The following NUTM2F variants were observed in gnomAD, a reference collection of about 807,000 sequenced individuals.
The protein encoded by NUTM2F is family with sequence similarity 22, member F.
Under a neutral mutation model 43.3 loss-of-function variants are expected in NUTM2F, and 22 were observed. The ratio of observed to expected loss-of-function variants is 0.51; its 90% CI spans 0.36 to 0.73. The LOEUF (loss-of-function observed/expected upper bound fraction) is 0.73. Among genes scored for constraint, NUTM2F ranks in the 30% least tolerant of loss-of-function variants. NUTM2F has a pLI of 0.00. For synonymous variants in NUTM2F, 202 were observed against 389.0 expected (o/e 0.52, Z 5.66); for missense variants, 488 against 927.4 (o/e 0.53, Z 6.15).
In NUTM2F at chr9:94,319,599, C is replaced by T. The variant is rs371997674; in HGVS notation, c.1485+14G>A. On this transcript the variant is annotated intron_variant, in intron 6 of 6. Coordinates refer to ENST00000253262, the MANE Select transcript of NUTM2F (RefSeq NM_017561.2). ...CCCTGGAGTACCTGGGTTCCCCTCCCTCCGCTGCTCTACCTGGGCAAGGGT... is the reference window on the plus strand; with the variant it reads ...CCCTGGAGTACCTGGGTTCCCCTCCTTCCGCTGCTCTACCTGGGCAAGGGT... The T allele has an allele frequency of 2.0e-5, 32 of 1,612,460 alleles. No homozygotes were observed. Among genetic ancestry groups the T allele is most frequent in the East Asian group, 1.8e-4 (8 of 44,882 alleles).
chr9:94,325,102 G>A lies in NUTM2F; in HGVS notation c.713+136C>T, dbSNP rs1396497613. 3.5e-4 allele frequency: 343 copies of A among 971,546 alleles called. 22 individuals carry two copies. Among genetic ancestry groups the A allele is most frequent in the Non-Finnish European group, 4.6e-4 (304 of 656,258 alleles). The allele number at this position is 971,546 out of a possible 1,614,324, so 60.2% of individuals were successfully genotyped here. A position where few individuals can be genotyped will look rare whatever the true frequency, so the allele number is the denominator to read the frequency against. Reference sequence around the variant, plus strand: ...CAGCCAGATTAATGTTGCTGAAAACGTACCTTCCCATAGCACAACCCATCA... The same window carrying A: ...CAGCCAGATTAATGTTGCTGAAAACATACCTTCCCATAGCACAACCCATCA... On this transcript the variant is annotated intron_variant, in intron 2 of 6. Transcript: ENST00000253262.
Position 94,325,826 on chromosome 9 carries a change from G to C in NUTM2F, c.125C>G (p.Pro42Arg), listed in dbSNP as rs770213187. 6.2e-7 allele frequency: 1 copy of C among 1,612,132 alleles called. No homozygotes were observed. The highest frequency in any genetic ancestry group is 1.7e-5 in the Admixed American group (1 of 60,014). ...TGGAGGAACCACTGCAGTCACGAGG[G>C]GCGGCCTGTGTGCTGGGCCGGGAGC... Reference protein sequence around the residue: ...TPAPGPAHRPPLVTAVVPPAG... With the variant: ...TPAPGPAHRPRLVTAVVPPAG... The change falls in exon 2 of 7, where the codon CCC becomes CGC. Residue 42 changes from proline to arginine, a missense_variant. Transcript: ENST00000253262.
chr9:94,322,106 C>T, intron 3 of NUTM2F, 95 bp downstream of exon 3: 2 of 1,540,496 alleles, frequency 1.3e-6, no homozygotes, highest in South Asian at 2.4e-5. Flanking sequence ...ACACCCTCCT[C>T]ATGCTCCATG....
At chr9:94,328,468 G>A (rs1318961226) in intron 1 of NUTM2F, 140 bp downstream of exon 1, 16 of 1,359,042 alleles carry the variant, frequency 1.2e-5, no homozygotes, top group Non-Finnish European at 1.7e-5. Context: ...CCATCCCCAG[G>A]TGTGATGTCC....
intron 3 of NUTM2F, 51 bp from the exon 4 acceptor site, chr9:94,321,283 C>G: frequency 6.5e-7 from 1 of 1,549,400 alleles, no homozygotes; most frequent in Non-Finnish European, 8.7e-7. Context: ...GGCCCCCTCC[C>G]CCCAGGACCA....
rs1831442675 is a variant in NUTM2F at position 94,325,645 on chromosome 9, T to A, written c.306A>T (p.Leu102=). Residue 102 remains leucine (L), a synonymous_variant, in exon 2 of 7, where the codon CTA becomes CTT. Transcript: ENST00000253262. ...CCTGCCAGACGAGGGGGGCCTGAGT[T>A]AGGATCAAGGTCTGTGCCTGAGGGG... ...VKPPQAQTLI[L]TQAPLVWQAP... 6.2e-7 allele frequency: 1 copy of A among 1,607,158 alleles called. No homozygotes were observed. Among genetic ancestry groups the A allele is most frequent in the Non-Finnish European group, 8.5e-7 (1 of 1,178,632 alleles).
intron 2 of NUTM2F, among the ~76,000 whole-genome samples, chr9:94,324,295 A>G (rs944726989): frequency 1.3e-5 from 2 of 150,526 alleles, no homozygotes; most frequent in African/African-American, 4.9e-5. Context: ...AAAGACCTAA[A>G]CCCTAACCGT....
intron 2 of NUTM2F, among the ~76,000 whole-genome samples, chr9:94,323,242 A>T (rs1831402154): frequency 6.6e-6 from 1 of 151,892 alleles, no homozygotes; most frequent in Non-Finnish European, 1.5e-5. Context: ...CCAAGGGGGG[A>T]TGCAACCAGT....
In NUTM2F at chr9:94,319,747, A is replaced by C. The variant is rs1831331386; in HGVS notation, c.1369-18T>G. On this transcript the variant is annotated intron_variant, in intron 5 of 6. Coordinates refer to ENST00000253262, the MANE Select transcript of NUTM2F (RefSeq NM_017561.2). ...GCCTCCACCTGGAAACAGAAGGAAG[A>C]AGGTGTGAACTTCCTGGGGAGGGAG... 1 of 1,601,260 alleles carries C rather than the reference A, an allele frequency of 6.2e-7. No individual in the cohort carries two copies. The highest frequency in any genetic ancestry group is 2.2e-5 in the East Asian group (1 of 44,776).
intron 1 of NUTM2F, among the ~76,000 whole-genome samples, chr9:94,326,693 G>A (rs527586971): frequency 3.2e-4 from 46 of 143,538 alleles, no homozygotes; most frequent in African/African-American, 9.7e-4. Context: ...GCAGTGAGCC[G>A]AGATCGTGCC....
rs766762277 is a variant in NUTM2F, at chr9:94,325,777, G to A, written c.174C>T (p.Ala58=). 16 of 1,612,048 alleles carry A rather than the reference G, an allele frequency of 9.9e-6. No homozygotes were observed. The highest frequency in any genetic ancestry group is 1.2e-5 in the Non-Finnish European group (14 of 1,179,868). The part of the protein sequence containing the change: ...VPPAGPLVLS[A]FPSTPLVAGQ... ...CTGCCACTAGAGGGGTGCTGGGGAA[G>A]GCAGAGAGCACCAGAGGGCCGGCTG... Residue 58 remains alanine, a synonymous_variant, in exon 2 of 7, where the codon GCC becomes GCT. Transcript: ENST00000253262.
In NUTM2F at chr9:94,320,979, T is replaced by C; in HGVS notation, c.982+114A>G. ...CAACATACACTCCCGGAAGCTGTCC[T>C]GTTGGAGGGAGCAAATCCCCCTCTT... On this transcript the variant is annotated intron_variant, in intron 4 of 6. Transcript: ENST00000253262. This position sits in a 1 kb window ranked among gnomAD's most constrained non-coding sequence, Gnocchi z 4.5. 1.4e-6 allele frequency: 2 copies of C among 1,462,176 alleles called. No individual in the cohort carries two copies. Among genetic ancestry groups the C allele is most frequent in the Non-Finnish European group, 1.8e-6 (2 of 1,112,308 alleles). 90.6% of individuals were successfully genotyped at this position (1,462,176 alleles called of 1,614,324 possible).
chr9:94,319,906 A>G (rs1168099388), intron 5 of NUTM2F, among the ~76,000 whole-genome samples, 177 bp from the exon 6 acceptor site: 1 of 152,052 alleles, frequency 6.6e-6, no homozygotes, highest in Non-Finnish European at 1.5e-5. Flanking sequence ...GCATACACAC[A>G]TACAGACAGA....
rs548549159 is a variant in NUTM2F at position 94,322,215 on chromosome 9, G to A, written c.828C>T (p.Tyr276=). 24 of 1,612,068 alleles carry A rather than the reference G, an allele frequency of 1.5e-5. No homozygotes were observed. The highest frequency in any genetic ancestry group is 9.3e-5 in the African/African-American group (7 of 74,986). The change falls in exon 3 of 7, where the codon TAC becomes TAT. Residue 276 remains tyrosine, a synonymous_variant. Coordinates refer to ENST00000253262, the MANE Select transcript of NUTM2F (RefSeq NM_017561.2). ...HTSNFDRMIF[Y]EMAEKFLEFE... is the part of the protein sequence containing the mutation. ...CCCAGACTCACTTTTCCGCCATCTC[G>A]TAGAAGATCATCCGGTCAAAGTTGC...
chr9:94,323,707 T>C (rs963383609), intron 2 of NUTM2F, among the ~76,000 whole-genome samples: 4 of 152,174 alleles, frequency 2.6e-5, no homozygotes, highest in Non-Finnish European at 5.9e-5. Context: ...CTCTTTGCCA[T>C]CCTCTGAATG....
rs1244891030 is a variant in NUTM2F, at chr9:94,322,355, G to C, written c.714-26C>G. 3 of 1,611,678 alleles carry C rather than the reference G, an allele frequency of 1.9e-6. No individual in the cohort carries two copies. In the African/African-American group the frequency reaches 4.0e-5, roughly 22 times the overall value. On this transcript the variant is annotated intron_variant, in intron 2 of 6. Coordinates refer to ENST00000253262, the MANE Select transcript of NUTM2F (RefSeq NM_017561.2). ...CTGTAAACCAGTGCAGTCAGTCCCA[G>C]TCTGTAAGCCCACCCTCCATCCCGG...
rs568792698 is a variant in NUTM2F at position 94,325,221 on chromosome 9, G to A, written c.713+17C>T. ...AGTGAGCTGCAGGACAAGCTCCGGC[G>A]CCCCGAGGACACTCACATGAGGAAG... is the stretch of plus-strand genomic sequence containing the variant. On this transcript the variant is annotated intron_variant, in intron 2 of 6. Transcript: ENST00000253262. 8 of 657,674 alleles carry A rather than the reference G, an allele frequency of 1.2e-5. No individual in the cohort carries two copies. Among genetic ancestry groups the A allele is most frequent in the African/African-American group, 4.8e-5 (2 of 41,808 alleles). The allele number at this position is 657,674 out of a possible 1,614,324, so 40.7% of individuals were successfully genotyped here. A position where few individuals can be genotyped will look rare whatever the true frequency, so the allele number is the denominator to read the frequency against.
Position 94,322,207 on chromosome 9 carries a change from G to T in NUTM2F, c.836C>A (p.Ala279Glu), listed in dbSNP as rs761896962. ...CCCAGGACCCCAGACTCACTTTTCCGCCATCTCGTAGAAGATCATCCGGTC... is the reference window on the plus strand; with the variant it reads ...CCCAGGACCCCAGACTCACTTTTCCTCCATCTCGTAGAAGATCATCCGGTC... ...NFDRMIFYEMAEKFLEFEAEE... is the reference protein window; with the variant it reads ...NFDRMIFYEMEEKFLEFEAEE... The change falls in exon 3 of 7, where the codon GCG becomes GAG. Residue 279 changes from alanine to glutamate, a missense_variant. By Grantham distance (107) the Ala-to-Glu change is moderately radical (BLOSUM62 -1). Coordinates refer to ENST00000253262, the MANE Select transcript of NUTM2F (RefSeq NM_017561.2). The T allele has an allele frequency of 6.2e-7, 1 of 1,611,984 alleles. No individual in the cohort carries two copies. The highest frequency in any genetic ancestry group is 8.5e-7 in the Non-Finnish European group (1 of 1,179,868).
intron 3 of NUTM2F, among the ~76,000 whole-genome samples, chr9:94,321,981 C>T (rs1831374794): frequency 6.6e-6 from 1 of 151,394 alleles, no homozygotes; most frequent in Non-Finnish European, 1.5e-5. Context: ...GCGGTTGGCC[C>T]CAGGCCAGGC....
Sources: gnomAD v4.1 joint callset for allele counts (sites outside exome capture counted in the v4.1 genomes callset) on GRCh38, gnomAD v4.1.1 for gene constraint, Gnocchi (gnomAD v3.1) non-coding constraint, MANE v1.5 for transcripts, NCBI Gene and HGNC (gene_info 2026-07-23, HGNC 2026-07-21) for gene names.